Variants in PALM2AKAP2 observed in about 807,000 individuals in gnomAD.
The protein encoded by PALM2AKAP2 is PALM2 and AKAP2 fusion.
In PALM2AKAP2, 37 loss-of-function variants were observed where a neutral mutation model predicts 71.5. That is an observed-to-expected ratio of 0.52 (90% CI 0.40 to 0.68). PALM2AKAP2 has a LOEUF of 0.68. Ranked by LOEUF, PALM2AKAP2 falls within the 30% of genes least tolerant of loss-of-function variation. The pLI, the probability that PALM2AKAP2 is intolerant of heterozygous loss-of-function variation, is 0.00. For synonymous variants in PALM2AKAP2, 468 were observed against 478.8 expected (o/e 0.98, Z 0.29); for missense variants, 1,224 against 1,191.8 (o/e 1.03, Z -0.40).
chr9:110,120,241 C>A (rs1835453654), intron 1 of PALM2AKAP2, among the ~76,000 whole-genome samples: 1 of 152,194 alleles, frequency 6.6e-6, no homozygotes, highest in Admixed American at 6.5e-5. Context: ...CTCCCCAATG[C>A]AACAAGATGG....
rs373445377 is a variant in PALM2AKAP2 at position 110,043,596 on chromosome 9, C to CA, written c.582+27566dup. On this transcript the variant is annotated intron_variant, in intron 7 of 9. Coordinates refer to the PALM2AKAP2 transcript ENST00000302798. ...TTTATATATTTACTCATATTGTAGG[C>CA]AAAAAAAAATTAGTCCAATATTTTA... Among the ~76,000 whole-genome samples the CA allele has an allele frequency of 2.5e-3, 368 of 145,910 alleles. 3 individuals are homozygous for CA. The highest frequency in any genetic ancestry group is 9.1e-3 in the African/African-American group (359 of 39,546).
chr9:109,999,542 T>G (rs900507106), intron 6 of PALM2AKAP2, among the ~76,000 whole-genome samples: 4 of 152,114 alleles, frequency 2.6e-5, no homozygotes, highest in Non-Finnish European at 4.4e-5. Context: ...AGCATTCTTC[T>G]TTTCTCCTTC....
chr9:109,941,827 G>A (rs1046564687), intron 6 of PALM2AKAP2, among the ~76,000 whole-genome samples: 3 of 152,194 alleles, frequency 2.0e-5, no homozygotes, highest in Non-Finnish European at 2.9e-5. Flanking sequence ...GGGAGGGGGA[G>A]ACCAGGTAGG....
At chr9:109,943,636 T>C (rs560715144) in intron 6 of PALM2AKAP2, 33 of 623,492 alleles carry the variant, frequency 5.3e-5, no homozygotes, top group Non-Finnish European at 7.8e-5. Context: ...AAGAACTTGC[T>C]TTTCCTCTAA....
At chr9:109,710,294 C>T (rs914722067) in intron 1 of PALM2AKAP2, among the ~76,000 whole-genome samples, 4 of 152,238 alleles carry the variant, frequency 2.6e-5, no homozygotes, top group African/African-American at 9.6e-5. Flanking sequence ...CAGAAGGAGA[C>T]ATGGCTTTTT....
At chr9:109,669,609 T>G (rs1422941974) in intron 1 of PALM2AKAP2, among the ~76,000 whole-genome samples, 1 of 152,124 alleles carries the variant, frequency 6.6e-6, no homozygotes, top group African/African-American at 2.4e-5. Context: ...TAATTACAAA[T>G]TCAATTTATT....
intron 1 of PALM2AKAP2, among the ~76,000 whole-genome samples, chr9:110,092,952 C>T (rs529855846): frequency 4.6e-5 from 7 of 152,116 alleles, no homozygotes; most frequent in Non-Finnish European, 7.3e-5. Flanking sequence ...TGGGGGTGAG[C>T]GGCAGTGCTC....
chr9:109,843,301 C>CAAAAAAAAA (rs35634219), intron 1 of PALM2AKAP2, among the ~76,000 whole-genome samples: 10 of 66,952 alleles, frequency 1.5e-4, no homozygotes, highest in African/African-American at 2.1e-4. Context: ...GCCCCTGTCT[C>CAAAAAAAAA]AAAAAAAAAA....
intron 1 of PALM2AKAP2, among the ~76,000 whole-genome samples, chr9:109,713,668 T>C (rs1190632862): frequency 2.0e-5 from 3 of 152,126 alleles, no homozygotes; most frequent in African/African-American, 4.8e-5. Context: ...AGAAACGACA[T>C]GGTGTATGAC....
At chr9:109,973,868 G>C (rs980533658) in intron 6 of PALM2AKAP2, among the ~76,000 whole-genome samples, 5 of 152,130 alleles carry the variant, frequency 3.3e-5, no homozygotes, top group African/African-American at 7.2e-5. Flanking sequence ...AGCCAGCCTT[G>C]GGCTTCTTGA....
Position 110,001,281 on chromosome 9 carries a change from C to G in PALM2AKAP2, c.497-14673C>G, listed in dbSNP as rs200358971. Reference sequence around the variant, plus strand: ...TTTATTAAATAGGGAATTGTTTCCCCATTTCTTGTTTTTGTCAGGTTTGTC... The same window carrying G: ...TTTATTAAATAGGGAATTGTTTCCCGATTTCTTGTTTTTGTCAGGTTTGTC... On this transcript the variant is annotated intron_variant, in intron 6 of 9. Transcript: ENST00000302798. Among the ~76,000 whole-genome samples, 34 of 152,242 alleles carry G rather than the reference C, an allele frequency of 2.2e-4. 1 individual carries two copies. The East Asian group carries it at 5.8e-3, about 26-fold the overall frequency.
intron 2 of PALM2AKAP2, among the ~76,000 whole-genome samples, chr9:109,873,778 T>A (rs115533810): frequency 4.6e-5 from 7 of 152,092 alleles, no homozygotes; most frequent in Non-Finnish European, 8.8e-5. Context: ...CTCATTCACC[T>A]CCTACTTCCC....
chr9:109,894,045 A>AAG (rs1281071070), intron 3 of PALM2AKAP2, among the ~76,000 whole-genome samples: 2 of 141,422 alleles, frequency 1.4e-5, no homozygotes, highest in African/African-American at 5.0e-5. Context: ...AAAAAAAAAA[A>AAG]GAAGCATCTG....
At chr9:110,168,580 C>A (rs1836791000) in exon 4 of PALM2AKAP2, 3 of 1,490,110 alleles carry the variant, frequency 2.0e-6, no homozygotes, top group East Asian at 4.7e-5. Context: ...TTTTAATGGA[C>A]TATTTATTAA....
intron 1 of PALM2AKAP2, among the ~76,000 whole-genome samples, chr9:110,090,927 C>T (rs868330242): frequency 1.3e-5 from 2 of 151,566 alleles, no homozygotes; most frequent in Non-Finnish European, 2.9e-5. Context: ...AATGTATGAA[C>T]GGTATACATG....
At chr9:110,035,557 A>G (rs1422061031) in intron 7 of PALM2AKAP2, among the ~76,000 whole-genome samples, 1 of 144,922 alleles carries the variant, frequency 6.9e-6, no homozygotes, top group East Asian at 2.0e-4. Context: ...GTTATATATA[A>G]CATATATAGG....
chr9:109,868,827 C>G (rs1261932290), intron 2 of PALM2AKAP2, among the ~76,000 whole-genome samples: 2 of 152,192 alleles, frequency 1.3e-5, no homozygotes, highest in African/African-American at 4.8e-5. Context: ...GGAGCTTGCT[C>G]TGTATCCCCG....
At chr9:109,943,693 T>C (rs1831431979) in intron 6 of PALM2AKAP2, 1 of 424,394 alleles carries the variant, frequency 2.4e-6, no homozygotes, top group Admixed American at 4.0e-5. Flanking sequence ...TCCTGCTCGA[T>C]TGGAATGGAC....
chr9:110,075,438 C>T (rs1834298814), intron 1 of PALM2AKAP2, among the ~76,000 whole-genome samples: 2 of 151,934 alleles, frequency 1.3e-5, no homozygotes, highest in African/African-American at 4.8e-5. Flanking sequence ...ATAATGCATG[C>T]TTATTATAGA....
Sources: gnomAD v4.1 joint callset for allele counts (sites outside exome capture counted in the v4.1 genomes callset) on GRCh38, gnomAD v4.1.1 for gene constraint, MANE v1.5 for transcripts, NCBI Gene and HGNC (gene_info 2026-07-23, HGNC 2026-07-21) for gene names.